The following NUDT1 variants were observed in gnomAD, a reference collection of about 807,000 sequenced individuals.
NUDT1 encodes the protein nudix hydrolase 1, also known as oxidized purine nucleoside triphosphate hydrolase.
A neutral mutation model predicts 11.3 loss-of-function variants in NUDT1; 16 were observed. That is an observed-to-expected ratio of 1.41 (90% CI 0.96 to 2.15). NUDT1 has a LOEUF of 2.15. Among genes scored for constraint, NUDT1 ranks in the 30% most tolerant of loss-of-function variants. The pLI, the probability that NUDT1 is intolerant of heterozygous loss-of-function variation, is 0.00. For synonymous variants in NUDT1, 101 were observed against 84.4 expected, an observed-to-expected ratio of 1.20 and a Z score of -1.08; for missense variants, 234 against 208.4, an observed-to-expected ratio of 1.12 and a Z score of -0.76.
intron 3 of NUDT1, 126 bp downstream of exon 3, chr7:2,250,128 C>A: frequency 1.6e-6 from 2 of 1,254,404 alleles, no homozygotes; most frequent in Non-Finnish European, 2.2e-6. Flanking sequence ...CCCCTCCACC[C>A]CACAGTGCCA....
chr7:2,242,413 G>A (rs550852755), intron 1 of NUDT1, 157 bp downstream of exon 1: 2 of 500,626 alleles, frequency 4.0e-6, no homozygotes, highest in Admixed American at 4.0e-5. Context: ...TCGGGGGCTC[G>A]AGGGAGACGA....
Position 2,244,635 on chromosome 7 carries a change from G to C in NUDT1, c.61G>C (p.Gly21Arg). 1 of 1,613,984 alleles carries C rather than the reference G, an allele frequency of 6.2e-7. No individual in the cohort carries two copies. Among genetic ancestry groups the C allele is most frequent in the East Asian group, 2.2e-5 (1 of 44,884 alleles). ...CCTGCAGCCTCAGCGAGTTCTCCTG[G>C]GCATGAAAAAGCGAGGCTTCGGGGC... is the stretch of plus-strand genomic sequence containing the variant. ...LVLQPQRVLL[G>R]MKKRGFGAGR... Residue 21 changes from glycine (G) to arginine (R), a missense_variant, in exon 2 of 4, where the codon GGC (glycine) becomes CGC (arginine). Gly to Arg is a moderately radical substitution (Grantham distance 125). Coordinates refer to ENST00000356714, the MANE Select transcript of NUDT1 (RefSeq NM_002452.4).
chr7:2,247,540 C>T (rs1228759665), intron 2 of NUDT1, among the ~76,000 whole-genome samples: 2 of 152,360 alleles, frequency 1.3e-5, no homozygotes, highest in Middle Eastern at 3.4e-3. Context: ...CGATGGGAAG[C>T]AGGCCCGCCG....
Position 2,244,741 on chromosome 7 carries a change from G to C in NUDT1, c.152+15G>C. On this transcript the variant is annotated intron_variant, in intron 2 of 3. Transcript: ENST00000356714. The stretch of plus-strand genomic sequence containing the variant: ...GGGGCTAGGAGGTAAGGATGGGGCA[G>C]GTCTGGCCATAGAACCGGCTTTCCC... 1 of 1,601,502 alleles carries C rather than the reference G, an allele frequency of 6.2e-7. No individual in the cohort carries two copies. Among genetic ancestry groups the C allele is most frequent in the Non-Finnish European group, 8.5e-7 (1 of 1,175,126 alleles).
chr7:2,247,716 G>A (rs547461664), intron 2 of NUDT1, among the ~76,000 whole-genome samples: 3 of 152,330 alleles, frequency 2.0e-5, no homozygotes, highest in South Asian at 2.1e-4. Context: ...CCTGCCTGGC[G>A]CTCCCTGCCT....
At chr7:2,248,510 G>A (rs548359307) in intron 2 of NUDT1, among the ~76,000 whole-genome samples, 11 of 151,194 alleles carry the variant, frequency 7.3e-5, no homozygotes, top group African/African-American at 2.7e-4. Flanking sequence ...CCTTTCTTGC[G>A]TGGAAAGCCC....
chr7:2,247,633 C>G (rs942404817), intron 2 of NUDT1, among the ~76,000 whole-genome samples: 1 of 152,224 alleles, frequency 6.6e-6, no homozygotes, highest in Admixed American at 6.5e-5. Context: ...CCCTGTTCCC[C>G]GTGTTCCGCC....
chr7:2,249,928 T>C lies in NUDT1; in HGVS notation c.224T>C (p.Val75Ala). ...HKVGQIVFEF[V>A]GEPELMDVHV... is the part of the protein sequence containing the mutation. The stretch of plus-strand genomic sequence containing the variant: ...GTGGGCCAGATCGTGTTTGAGTTCG[T>C]GGGCGAGCCTGAGCTCATGGACGTG... Residue 75 changes from valine to alanine, a missense_variant, in exon 3 of 4, where the codon GTG becomes GCG. Physicochemically the swap from Val to Ala is moderately conservative, Grantham distance 64. Transcript: ENST00000356714. 1 of 1,614,190 alleles carries C rather than the reference T, an allele frequency of 6.2e-7. No homozygotes were observed. The highest frequency in any genetic ancestry group is 8.5e-7 in the Non-Finnish European group (1 of 1,180,030).
chr7:2,242,288 T>A (rs1562404334), intron 1 of NUDT1, 32 bp downstream of exon 1: 1 of 1,022,312 alleles, frequency 9.8e-7, no homozygotes, highest in East Asian at 3.1e-5. Flanking sequence ...ATTCCAGGAG[T>A]CGTGGTGACC....
intron 2 of NUDT1, among the ~76,000 whole-genome samples, chr7:2,246,817 A>G (rs548761805): frequency 6.6e-6 from 1 of 152,092 alleles, no homozygotes; most frequent in Non-Finnish European, 1.5e-5. Flanking sequence ...GGGTTTCACC[A>G]TGTTGGCCAG....
chr7:2,246,453 G>A (rs1404552978), intron 2 of NUDT1, among the ~76,000 whole-genome samples: 1 of 152,236 alleles, frequency 6.6e-6, no homozygotes, highest in East Asian at 1.9e-4. Context: ...CAGAGGGCTG[G>A]AGGAGCGCCA....
intron 2 of NUDT1, among the ~76,000 whole-genome samples, chr7:2,246,250 T>G (rs1794763538): frequency 6.6e-6 from 1 of 152,192 alleles, no homozygotes; most frequent in Non-Finnish European, 1.5e-5. Flanking sequence ...AGTCCCTGCC[T>G]CTGTGGAGCT....
chr7:2,250,613 A>G (rs111971029), intron 3 of NUDT1, among the ~76,000 whole-genome samples: 14 of 148,634 alleles, frequency 9.4e-5, no homozygotes, highest in African/African-American at 1.7e-4. Context: ...GCCCGCCACC[A>G]CGCCCGGCTA....
intron 1 of NUDT1, 152 bp from the exon 2 acceptor site, chr7:2,244,411 C>T (rs770340279): frequency 2.1e-5 from 15 of 727,868 alleles, no homozygotes; most frequent in Non-Finnish European, 3.2e-5. Context: ...CCACCTGCCA[C>T]AAGGGAAGCC....
intron 1 of NUDT1, chr7:2,242,484 G>C (rs897106264): frequency 2.2e-6 from 1 of 460,364 alleles, no homozygotes; most frequent in Non-Finnish European, 3.8e-6. Flanking sequence ...GCTTGGGGGA[G>C]ACCAGGAGTA....
chr7:2,247,580 C>T (rs1479030164), intron 2 of NUDT1, among the ~76,000 whole-genome samples: 2 of 152,216 alleles, frequency 1.3e-5, no homozygotes, highest in African/African-American at 4.8e-5. Flanking sequence ...CCCCACGCCA[C>T]GGACGCTGCA....
intron 2 of NUDT1, chr7:2,249,404 G>A (rs1005056952): frequency 2.1e-4 from 49 of 229,888 alleles, no homozygotes; most frequent in Admixed American, 2.0e-3. Flanking sequence ...CCAGGGCCCC[G>A]GCGGTCGTAA....
At chr7:2,248,547 C>CTTTTT (rs11393832) in intron 2 of NUDT1, among the ~76,000 whole-genome samples, 1 of 122,586 alleles carries the variant, frequency 8.2e-6, no homozygotes, top group African/African-American at 3.3e-5. Context: ...ATGATGTTTG[C>CTTTTT]TTTTTTTTTT....
chr7:2,249,735 C>G (rs1236418876), intron 2 of NUDT1, 122 bp from the exon 3 acceptor site: 2 of 1,235,556 alleles, frequency 1.6e-6, no homozygotes, highest in African/African-American at 3.0e-5. Flanking sequence ...CCTCCTGGGT[C>G]TCCCATCCAC....
Sources: gnomAD v4.1 joint callset for allele counts (sites outside exome capture counted in the v4.1 genomes callset) on GRCh38, gnomAD v4.1.1 for gene constraint, MANE v1.5 for transcripts, NCBI Gene and HGNC (gene_info 2026-07-23, HGNC 2026-07-21) for gene names.